The following SYTL3 variants were observed in gnomAD, a reference collection of about 807,000 sequenced individuals.
SYTL3 encodes synaptotagmin like 3, also known as synaptotagmin-like protein 3.
SYTL3 carries 88 observed loss-of-function variants against 82.1 expected under a neutral mutation model. The observed-to-expected ratio is 1.07, with a 90% CI of 0.90 to 1.28. The LOEUF is 1.28. SYTL3 is among the 50% of genes most tolerant of loss of function. The probability of loss-of-function intolerance (pLI) is 0.00; values close to 1 mark genes in which losing one functional copy is unlikely to be tolerated. For synonymous variants in SYTL3, 311 were observed against 289.4 expected (o/e 1.07, Z -0.76); for missense variants, 831 against 757.6 (o/e 1.10, Z -1.14).
At chr6:158,730,285 G>GCGT (rs1481415707) in intron 11 of SYTL3, among the ~76,000 whole-genome samples, 1 of 152,256 alleles carries the variant, frequency 6.6e-6, no homozygotes, top group Non-Finnish European at 1.5e-5. Flanking sequence ...GGGACAAGCT[G>GCGT]CGTAAAGGAT....
chr6:158,689,385 T>C (rs752932913), intron 6 of SYTL3, among the ~76,000 whole-genome samples: 15 of 152,218 alleles, frequency 9.9e-5, no homozygotes, highest in Middle Eastern at 6.3e-3. Flanking sequence ...ACGAATAAGA[T>C]TGAGTATCTT....
At chr6:158,664,812 A>G (rs957407451) in intron 4 of SYTL3, among the ~76,000 whole-genome samples, 3 of 152,146 alleles carry the variant, frequency 2.0e-5, no homozygotes, top group African/African-American at 7.2e-5. Flanking sequence ...GACATTCATA[A>G]AAGAGCGTGC....
At chr6:158,737,039 C>CAAAAAA (rs201499466) in intron 11 of SYTL3, among the ~76,000 whole-genome samples, 150 of 113,842 alleles carry the variant, frequency 1.3e-3, no homozygotes, top group African/African-American at 4.4e-3. Context: ...CATTTCATGG[C>CAAAAAA]AAAAAAAAAA....
intron 14 of SYTL3, among the ~76,000 whole-genome samples, chr6:158,758,977 C>A (rs185193110): frequency 1.3e-5 from 2 of 152,198 alleles, no homozygotes; most frequent in Non-Finnish European, 2.9e-5. Flanking sequence ...CTCTCACCCC[C>A]GCTCTGTCAT....
chr6:158,746,554 C>T (rs1468162615), intron 12 of SYTL3, among the ~76,000 whole-genome samples: 4 of 151,268 alleles, frequency 2.6e-5, no homozygotes, highest in Admixed American at 6.6e-5. Flanking sequence ...CAACCTCCGC[C>T]TCCCGGGTTC....
At chr6:158,727,659 G>A (rs765570821) in intron 11 of SYTL3, among the ~76,000 whole-genome samples, 6 of 147,082 alleles carry the variant, frequency 4.1e-5, no homozygotes, top group African/African-American at 7.7e-5. Context: ...TCCCATGGCC[G>A]TTCTCATGTG....
At chr6:158,764,054 A>G (rs1051018784) in intron 17 of SYTL3, among the ~76,000 whole-genome samples, 6 of 152,368 alleles carry the variant, frequency 3.9e-5, no homozygotes, top group Non-Finnish European at 7.3e-5. Flanking sequence ...CAGTGACTGA[A>G]GAGAAATAAG....
At chr6:158,742,394 C>G (rs1307560980) in intron 11 of SYTL3, among the ~76,000 whole-genome samples, 1 of 152,098 alleles carries the variant, frequency 6.6e-6, no homozygotes, top group African/African-American at 2.4e-5. Flanking sequence ...TGAGCTGATT[C>G]AAAACTGGGT....
chr6:158,708,357 T>G lies in SYTL3; in HGVS notation c.482T>G (p.Val161Gly), dbSNP rs1201601609. 2 of 1,614,190 alleles carry G rather than the reference T, an allele frequency of 1.2e-6. No homozygotes were observed. ...GTGGTTCCTCCTACTCCACCTCCTG[T>G]CAGCGAGAGCCAGTGCAGCCGCAGT... ...ISVVPPTPPP[V>G]SESQCSRSPG... Residue 161 changes from valine to glycine, a missense_variant, in exon 8 of 18, where the codon GTC (valine) becomes GGC (glycine). By Grantham distance (109) the Val-to-Gly change is moderately radical (BLOSUM62 -3). Transcript: ENST00000611299.
At chr6:158,693,837 A>T (rs1583260210) in intron 6 of SYTL3, among the ~76,000 whole-genome samples, 1 of 71,550 alleles carries the variant, frequency 1.4e-5, no homozygotes, top group African/African-American at 6.9e-5. Flanking sequence ...CACTGCATCC[A>T]GCCTTTCTTT....
Position 158,729,728 on chromosome 6 carries a change from G to A in SYTL3, c.855+4091G>A, listed in dbSNP as rs576203790. Among the ~76,000 whole-genome samples the A allele has an allele frequency of 9.9e-5, 15 of 151,778 alleles. No individual in the cohort carries two copies. In the South Asian group the frequency reaches 1.2e-3, roughly 13 times the overall value. On this transcript the variant is annotated intron_variant, in intron 11 of 17. Transcript: ENST00000611299. ...ACTACAGGCGCCCGCCACCACGCCC[G>A]GCTAATCTTTTGTATTTTTAGTAGA... is the stretch of plus-strand genomic sequence containing the variant.
At chr6:158,742,318 A>G (rs1397585790) in intron 11 of SYTL3, among the ~76,000 whole-genome samples, 3 of 152,204 alleles carry the variant, frequency 2.0e-5, no homozygotes, top group Non-Finnish European at 4.4e-5. Context: ...ATTATGCTTC[A>G]TAGAGAATTT....
At chr6:158,703,656 T>C (rs1781584989) in intron 6 of SYTL3, among the ~76,000 whole-genome samples, 1 of 152,088 alleles carries the variant, frequency 6.6e-6, no homozygotes, top group African/African-American at 2.4e-5. Context: ...ATTGGGGCTC[T>C]GCAGGCTGGA....
chr6:158,646,993 C>A (rs1024273657), upstream of SYTL3, among the ~76,000 whole-genome samples: 1 of 152,184 alleles, frequency 6.6e-6, no homozygotes, highest in African/African-American at 2.4e-5. Context: ...AGCTAAGTGT[C>A]ACAGAATTAT....
At chr6:158,726,720 AT>A in intron 11 of SYTL3, 1 of 253,806 alleles carries the variant, frequency 3.9e-6, no homozygotes. Flanking sequence ...CCAGCATCTA[AT>A]TTCCCATACT....
chr6:158,751,900 CT>C (rs766015068), intron 12 of SYTL3, 27 bp from the exon 13 acceptor site: 3 of 1,547,360 alleles, frequency 1.9e-6, no homozygotes, highest in African/African-American at 2.8e-5. Flanking sequence ...TGAGTTCTCA[CT>C]CTGTCCCCGC....
At chr6:158,681,604 C>T (rs747368408) in intron 5 of SYTL3, among the ~76,000 whole-genome samples, 3 of 152,010 alleles carry the variant, frequency 2.0e-5, no homozygotes, top group South Asian at 2.1e-4. Context: ...CTTGAACCCA[C>T]GAGGGGGAGA....
Position 158,674,739 on chromosome 6 carries a change from C to A in SYTL3, c.330-8186C>A, listed in dbSNP as rs573216074. 9.3e-4 allele frequency among the ~76,000 whole-genome samples: 142 copies of A among 152,326 alleles called. 1 individual carries two copies. Among genetic ancestry groups the A allele is most frequent in the African/African-American group, 3.2e-3 (132 of 41,554 alleles). ...TTTCCTAATTTCATTGACTGGTTAT[C>A]TGATATAACAGACCAGGAGTCACAA... is the stretch of plus-strand genomic sequence containing the variant. On this transcript the variant is annotated intron_variant, in intron 5 of 17. Transcript: ENST00000611299.
At chr6:158,651,069 C>A (rs182484670) in intron 1 of SYTL3, among the ~76,000 whole-genome samples, 1 of 152,208 alleles carries the variant, frequency 6.6e-6, no homozygotes, top group Non-Finnish European at 1.5e-5. Flanking sequence ...GTTAAACAGA[C>A]CCAGTTTAGA....
Sources: gnomAD v4.1 joint callset for allele counts (sites outside exome capture counted in the v4.1 genomes callset) on GRCh38, gnomAD v4.1.1 for gene constraint, MANE v1.5 for transcripts, NCBI Gene and HGNC (gene_info 2026-07-23, HGNC 2026-07-21) for gene names.